MRE11: variants seen among roughly 807,000 people sequenced by gnomAD.
MRE11 encodes the protein double-strand break repair protein MRE11.
A neutral mutation model predicts 91.7 loss-of-function variants in MRE11; 62 were observed. The observed-to-expected ratio is 0.68, with a 90% CI of 0.55 to 0.84. The LOEUF (loss-of-function observed/expected upper bound fraction) is 0.84. Among genes scored for constraint, MRE11 ranks in the 40% least tolerant of loss-of-function variants. The probability of loss-of-function intolerance (pLI) is 0.00; values close to 1 mark genes in which losing one functional copy is unlikely to be tolerated. For synonymous variants in MRE11, 273 were observed against 271.4 expected, an observed-to-expected ratio of 1.01 and a Z score of -0.06; for missense variants, 796 against 852.9, an observed-to-expected ratio of 0.93 and a Z score of 0.83.
Position 94,416,848 on chromosome 11 carries a change from A to T in MRE11, c.*3277T>A, listed in dbSNP as rs1945040449. ...CAAGAGTGCGAGACTCCGTCTCAAA[A>T]AAAAAAAACAAAAAAAACCCAAAAT... On this transcript the variant is annotated 3_prime_UTR_variant, in exon 20 of 20. Coordinates refer to ENST00000323929, the MANE Select transcript of MRE11 (RefSeq NM_005591.4). 6.6e-6 allele frequency: 1 copy of T among 151,838 alleles called. No individual in the cohort carries two copies. Among genetic ancestry groups the T allele is most frequent in the Admixed American group, 6.6e-5 (1 of 15,256 alleles). 9.4% of individuals were successfully genotyped at this position (151,838 alleles called of 1,614,324 possible).
intron 3 of MRE11, 94 bp from the exon 4 acceptor site, chr11:94,486,178 G>C: frequency 8.0e-7 from 1 of 1,243,554 alleles, no homozygotes; most frequent in Non-Finnish European, 1.1e-6. Context: ...ACTCACAAAA[G>C]ACACTATTAT....
At chr11:94,478,537 A>C (rs928890634) in intron 6 of MRE11, among the ~76,000 whole-genome samples, 198 bp downstream of exon 6, 4 of 152,320 alleles carry the variant, frequency 2.6e-5, no homozygotes, top group Middle Eastern at 3.4e-3. Flanking sequence ...TCTAAAAAAA[A>C]CCCAAAATAA....
intron 19 of MRE11, among the ~76,000 whole-genome samples, chr11:94,421,202 T>G (rs1945163072): frequency 6.6e-6 from 1 of 152,232 alleles, no homozygotes; most frequent in African/African-American, 2.4e-5. Context: ...TTACGTATTC[T>G]ATAAATATTC....
chr11:94,471,525 A>T, intron 8 of MRE11, 49 bp downstream of exon 8: 1 of 1,571,416 alleles, frequency 6.4e-7, no homozygotes, highest in Non-Finnish European at 8.7e-7. Flanking sequence ...ATGATTAGTT[A>T]TTATAGCAAA....
At chr11:94,486,150 T>C in intron 3 of MRE11, 66 bp from the exon 4 acceptor site, 2 of 1,487,108 alleles carry the variant, frequency 1.3e-6, no homozygotes, top group Non-Finnish European at 9.2e-7. Flanking sequence ...AAACTACAGA[T>C]GAAAGAGATA....
chr11:94,440,330 G>A (rs760963640), intron 16 of MRE11, among the ~76,000 whole-genome samples: 8 of 151,928 alleles, frequency 5.3e-5, no homozygotes, highest in Non-Finnish European at 1.2e-4. Flanking sequence ...TTGTCAATGG[G>A]TAACAGTCAT....
chr11:94,470,702 A>T lies in MRE11; in HGVS notation c.846-60T>A, dbSNP rs610611. ...GTAAATTTCCTCAGGGTGATGTGCAAACGAAAGCTTTCATATTTCTTAGTT... is the reference window on the plus strand; with the variant it reads ...GTAAATTTCCTCAGGGTGATGTGCATACGAAAGCTTTCATATTTCTTAGTT... On this transcript the variant is annotated intron_variant, in intron 8 of 19. Transcript: ENST00000323929. The T allele has an allele frequency of 0.68, 1,041,553 of 1,542,196 alleles. 353,348 individuals carry two copies. Among genetic ancestry groups the T allele is most frequent in the African/African-American group, 0.77 (56,354 of 73,264 alleles).
intron 19 of MRE11, among the ~76,000 whole-genome samples, chr11:94,421,228 T>C (rs1945163722): frequency 6.6e-6 from 1 of 152,178 alleles, no homozygotes; most frequent in African/African-American, 2.4e-5. Context: ...ATAAAGCAAA[T>C]TTGTTTATAA....
intron 10 of MRE11, chr11:94,466,461 C>G (rs552063839): frequency 1.9e-6 from 1 of 530,096 alleles, no homozygotes; most frequent in South Asian, 1.4e-5. Context: ...GCAACAGACA[C>G]TATTTAATCC....
At chr11:94,435,765 C>T (rs1945589298) in intron 18 of MRE11, 67 bp downstream of exon 18, 3 of 1,362,222 alleles carry the variant, frequency 2.2e-6, no homozygotes, top group Non-Finnish European at 3.1e-6. Flanking sequence ...AAATGTGTAA[C>T]TTTGGAATTC....
At chr11:94,459,324 A>T in intron 13 of MRE11, 84 bp downstream of exon 13, 1 of 1,367,200 alleles carries the variant, frequency 7.3e-7, no homozygotes, top group Non-Finnish European at 1.0e-6. Flanking sequence ...GAGGTTAAAT[A>T]GTGATTTACC....
intron 14 of MRE11, among the ~76,000 whole-genome samples, chr11:94,455,048 T>A (rs1372679393): frequency 6.6e-6 from 1 of 152,220 alleles, no homozygotes; most frequent in Non-Finnish European, 1.5e-5. Context: ...CAACTATGTG[T>A]ATTTCAACAG....
intron 12 of MRE11, among the ~76,000 whole-genome samples, chr11:94,460,163 A>G (rs592943): frequency 0.7 from 105,998 of 152,036 alleles, 37,186 homozygotes; most frequent in South Asian, 0.77. Context: ...AAAAGGTAAG[A>G]AAATGGATTC....
intron 6 of MRE11, 97 bp downstream of exon 6, chr11:94,478,638 C>A: frequency 7.2e-7 from 1 of 1,396,384 alleles, no homozygotes; most frequent in Middle Eastern, 2.5e-4. Context: ...ATAAGGTTTG[C>A]CCCATTTTTT....
rs749781572 is a variant in MRE11, at chr11:94,447,407, T to G, written c.1595A>C (p.Gln532Pro). The stretch of plus-strand genomic sequence containing the variant: ...AAAGGCAGAAGCAGACTCCTCTGAC[T>G]GAGATCTGAGTGCTCTGGCCCTGGT... ...AMTRARALRS[Q>P]SEESASAFSA... is the part of the protein sequence containing the mutation. Residue 532 changes from glutamine (Q) to proline (P), a missense_variant, in exon 15 of 20, where the codon CAG becomes CCG. Physicochemically the swap from Gln to Pro is moderately conservative, Grantham distance 76 (BLOSUM62 -1). Coordinates refer to ENST00000323929, the MANE Select transcript of MRE11 (RefSeq NM_005591.4). The G allele has an allele frequency of 6.2e-7, 1 of 1,614,128 alleles. No homozygotes were observed. The highest frequency in any genetic ancestry group is 1.7e-5 in the Admixed American group (1 of 60,014).
At chr11:94,458,556 T>A (rs2134984869) in intron 13 of MRE11, among the ~76,000 whole-genome samples, 1 of 152,288 alleles carries the variant, frequency 6.6e-6, no homozygotes, top group South Asian at 2.1e-4. Flanking sequence ...AATCACTCCA[T>A]ACACAAATCT....
chr11:94,432,499 GT>G (rs1192616124), intron 18 of MRE11, among the ~76,000 whole-genome samples: 2 of 152,204 alleles, frequency 1.3e-5, no homozygotes, highest in Admixed American at 1.3e-4. Context: ...AGAGGTAAAT[GT>G]AAGTACCATT....
intron 14 of MRE11, among the ~76,000 whole-genome samples, chr11:94,452,239 A>G (rs1946130051): frequency 6.6e-6 from 1 of 152,080 alleles, no homozygotes; most frequent in Non-Finnish European, 1.5e-5. Flanking sequence ...CCCTACTCGA[A>G]AGAGAAAATG....
the MRE11 span, among the ~76,000 whole-genome samples, chr11:94,503,723 A>ACCT: frequency 6.6e-6 from 1 of 151,676 alleles, no homozygotes; most frequent in Non-Finnish European, 1.5e-5. Flanking sequence ...GAAAACGTTA[A>ACCT]AATCGGGATT....
Sources: gnomAD v4.1 joint callset for allele counts (sites outside exome capture counted in the v4.1 genomes callset) on GRCh38, gnomAD v4.1.1 for gene constraint, MANE v1.5 for transcripts, NCBI Gene and HGNC (gene_info 2026-07-23, HGNC 2026-07-21) for gene names.